ATP2B3: variants seen among roughly 807,000 people sequenced by gnomAD.
ATP2B3 encodes the protein plasma membrane calcium-transporting ATPase 3.
Under a neutral mutation model 70.8 loss-of-function variants are expected in ATP2B3, and 12 were observed. That is an observed-to-expected ratio of 0.17 (90% CI 0.11 to 0.27). The LOEUF is 0.27. Among genes scored for constraint, ATP2B3 ranks in the 10% least tolerant of loss-of-function variants. The pLI, the probability that ATP2B3 is intolerant of heterozygous loss-of-function variation, is 1.00. For synonymous variants in ATP2B3, 460 were observed against 497.8 expected (o/e 0.92, Z 1.01); for missense variants, 858 against 1,118.5 (o/e 0.77, Z 3.32).
intron 18 of ATP2B3, among the ~76,000 whole-genome samples, chrX:153,560,232 T>C (rs1557015670): frequency 1.8e-5 from 2 of 111,629 alleles, no homozygotes; most frequent in African/African-American, 6.5e-5. Context: ...TGTGTAGCTG[T>C]GTAGAGTAGG....
intron 21 of ATP2B3, among the ~76,000 whole-genome samples, chrX:153,573,682 G>A (rs1182590746): frequency 8.9e-6 from 1 of 112,750 alleles, no homozygotes; most frequent in African/African-American, 3.2e-5. Flanking sequence ...TGGGAACCTG[G>A]GCAGAGACCT....
At position 153,582,824 on chromosome X, in the gene ATP2B3, G is replaced by A. The variant is rs1047944922; in HGVS notation, c.*2526G>A. ...ATGAACAAAAAAACTTAATGAGAAA[G>A]ATCACAGATACGTAATAATTTAAAG... On this transcript the variant is annotated 3_prime_UTR_variant, in exon 22 of 22. Transcript: ENST00000263519. The A allele has an allele frequency of 4.4e-5, 5 of 112,536 alleles. No individual in the cohort carries two copies. The highest frequency in any genetic ancestry group is 9.4e-5 in the Admixed American group (1 of 10,615). The allele number at this position is 112,536 out of a possible 1,213,427, so 9.3% of individuals were successfully genotyped here.
chrX:153,547,781 C>T (rs1317088633), intron 8 of ATP2B3, 54 bp from the exon 9 acceptor site: 18 of 1,111,743 alleles, frequency 1.6e-5, no homozygotes, highest in African/African-American at 1.1e-4. Context: ...CCCCTTATAA[C>T]GCCTTCTCCC....
chrX:153,546,222 G>A (rs781809294), intron 8 of ATP2B3, 93 bp downstream of exon 8: 3 of 1,046,585 alleles, frequency 2.9e-6, no homozygotes, highest in Non-Finnish European at 4.0e-6. Context: ...CACCTGCCTC[G>A]GTGGCAGGAG....
chrX:153,580,377 CAT>C lies in ATP2B3; in HGVS notation c.*82_*83del. The stretch of plus-strand genomic sequence containing the variant: ...ACACGCACACATGCACGCACACACA[CAT>C]ATGGGGACCTGCACACCTGCAAAAC... On this transcript the variant is annotated 3_prime_UTR_variant, in exon 22 of 22. Transcript: ENST00000263519. The C allele has an allele frequency of 1.0e-6, 1 of 960,324 alleles. No homozygotes were observed. Among genetic ancestry groups the C allele is most frequent in the South Asian group, 2.3e-5 (1 of 43,787 alleles). The allele number at this position is 960,324 out of a possible 1,213,427, so 79.1% of individuals were successfully genotyped here. A position where few individuals can be genotyped will look rare whatever the true frequency, so the allele number is the denominator to read the frequency against.
At chrX:153,568,416 C>T (rs1462179115) in intron 21 of ATP2B3, among the ~76,000 whole-genome samples, 1 of 110,986 alleles carries the variant, frequency 9.0e-6, no homozygotes, top group Non-Finnish European at 1.9e-5. Flanking sequence ...AAATCTGAGG[C>T]AGGAAAGGCA....
intron 8 of ATP2B3, among the ~76,000 whole-genome samples, chrX:153,546,606 G>A (rs2090370364): frequency 8.8e-6 from 1 of 113,405 alleles, no homozygotes; most frequent in Admixed American, 9.2e-5. Context: ...GCTGGCAGGT[G>A]CCGACACCCT....
intron 13 of ATP2B3, 78 bp downstream of exon 13, chrX:153,553,347 C>A (rs1479546708): frequency 6.6e-6 from 6 of 906,522 alleles, no homozygotes; most frequent in Non-Finnish European, 7.7e-6. Flanking sequence ...TAGGGGCGGC[C>A]TTCCTTCACA....
At position 153,560,823 on chromosome X, in the gene ATP2B3, T is replaced by C. The variant is rs781863241; in HGVS notation, c.2987T>C (p.Val996Ala). The C allele has an allele frequency of 5.0e-6, 6 of 1,212,005 alleles. No homozygotes were observed. Among genetic ancestry groups the C allele is most frequent in the Non-Finnish European group, 6.7e-6 (6 of 895,563 alleles). ...NARKIHGERN[V>A]FDGIFSNPIF... ...CGCAAGATCCACGGCGAGAGGAACG[T>C]GTTCGACGGCATCTTCAGCAACCCC... Residue 996 changes from valine to alanine, a missense_variant, in exon 19 of 22, where the codon GTG becomes GCG. Coordinates refer to ENST00000263519, the MANE Select transcript of ATP2B3 (RefSeq NM_001001344.3).
intron 3 of ATP2B3, among the ~76,000 whole-genome samples, chrX:153,537,641 C>T (rs920548153): frequency 8.9e-6 from 1 of 112,589 alleles, no homozygotes; most frequent in Non-Finnish European, 1.9e-5. Context: ...GCCTCGCCGC[C>T]GCACACGCCC....
intron 21 of ATP2B3, among the ~76,000 whole-genome samples, chrX:153,576,904 T>C (rs953455414): frequency 6.2e-5 from 7 of 112,044 alleles, no homozygotes; most frequent in Non-Finnish European, 1.1e-4. Flanking sequence ...CAGTGTTGGG[T>C]GGGCTGAAAA....
At chrX:153,524,238 C>G (rs781958929) in intron 2 of ATP2B3, among the ~76,000 whole-genome samples, 23 of 106,166 alleles carry the variant, frequency 2.2e-4, no homozygotes, top group Non-Finnish European at 1.2e-4. Flanking sequence ...GTGTGTGTGT[C>G]TGTGTGTGTG....
chrX:153,547,760 C>T (rs999285843), intron 8 of ATP2B3, 75 bp from the exon 9 acceptor site: 5 of 1,090,877 alleles, frequency 4.6e-6, no homozygotes, highest in Non-Finnish European at 6.1e-6. Context: ...CATGTCTTTC[C>T]CCCACAAAAG....
At chrX:153,551,000 C>T (rs1396824169) in intron 12 of ATP2B3, among the ~76,000 whole-genome samples, 1 of 111,559 alleles carries the variant, frequency 9.0e-6, no homozygotes, top group Non-Finnish European at 1.9e-5. Flanking sequence ...TCTACCAGCA[C>T]GTGAGTCGTT....
chrX:153,551,497 T>A (rs952281094), intron 12 of ATP2B3, among the ~76,000 whole-genome samples: 3 of 112,124 alleles, frequency 2.7e-5, no homozygotes, highest in Non-Finnish European at 3.8e-5. Context: ...TTTCTACACA[T>A]TCTGTCCCAT....
intron 2 of ATP2B3, among the ~76,000 whole-genome samples, chrX:153,524,643 G>A (rs1380541392): frequency 1.8e-5 from 2 of 111,577 alleles, no homozygotes; most frequent in Non-Finnish European, 3.8e-5. Flanking sequence ...TTGTTCCCTG[G>A]CTCATTTGCA....
intron 8 of ATP2B3, 91 bp from the exon 9 acceptor site, chrX:153,547,744 G>T: frequency 9.7e-7 from 1 of 1,026,867 alleles, no homozygotes; most frequent in Non-Finnish European, 1.3e-6. Flanking sequence ...CCTCTCTATG[G>T]TGTGGCATGT....
chrX:153,563,192 AGTGCAGTG>A (rs2090653575), intron 20 of ATP2B3, among the ~76,000 whole-genome samples: 1 of 78,329 alleles, frequency 1.3e-5, no homozygotes. Context: ...CCCAATGTGG[AGTGCAGTG>A]GTACAATCAC....
chrX:153,545,650 G>A lies in ATP2B3; in HGVS notation c.917-438G>A, dbSNP rs781995699. Among the ~76,000 whole-genome samples, 6 of 112,772 alleles carry A rather than the reference G, an allele frequency of 5.3e-5. No individual in the cohort carries two copies. The East Asian group carries it at 8.4e-4, about 16-fold the overall frequency. On this transcript the variant is annotated intron_variant, in intron 7 of 21. Coordinates refer to ENST00000263519, the MANE Select transcript of ATP2B3 (RefSeq NM_001001344.3). ...ACACACACTGAGCTAACTGCTGGACGTGACTGCAGGGAAAACCAATCCCTA... is the reference window on the plus strand; with the variant it reads ...ACACACACTGAGCTAACTGCTGGACATGACTGCAGGGAAAACCAATCCCTA...
Sources: allele counts gnomAD v4.1 joint callset (sites outside exome capture counted in the v4.1 genomes callset), GRCh38; gene constraint gnomAD v4.1.1; transcripts MANE v1.5; gene names NCBI Gene and HGNC (gene_info 2026-07-23, HGNC 2026-07-21).